The following GRM7 variants were observed in gnomAD, a reference collection of about 807,000 sequenced individuals.
GRM7 encodes metabotropic glutamate receptor 7.
Under a neutral mutation model 84.5 loss-of-function variants are expected in GRM7, and 35 were observed. The ratio of observed to expected loss-of-function variants is 0.41; its 90% CI spans 0.32 to 0.55. The LOEUF (loss-of-function observed/expected upper bound fraction) is 0.55. Ranked by LOEUF, GRM7 falls within the 20% of genes least tolerant of loss-of-function variation. The pLI is 0.19. For synonymous variants in GRM7, 487 were observed against 455.1 expected (o/e 1.07, Z -0.89); for missense variants, 1,003 against 1,194.6 (o/e 0.84, Z 2.36).
At chr3:7,055,437 T>G (rs1380574749) in intron 1 of GRM7, among the ~76,000 whole-genome samples, 2 of 151,402 alleles carry the variant, frequency 1.3e-5, no homozygotes, top group African/African-American at 2.4e-5. Flanking sequence ...CTTATGAAAA[T>G]CAAGAATTTA....
intron 8 of GRM7, among the ~76,000 whole-genome samples, chr3:7,639,217 C>T (rs1190418190): frequency 6.6e-6 from 1 of 152,172 alleles, no homozygotes; most frequent in Non-Finnish European, 1.5e-5. Flanking sequence ...GAAACTCCAG[C>T]ACCTCTCTAG....
chr3:7,276,586 C>A (rs7611549), intron 2 of GRM7, among the ~76,000 whole-genome samples: 64,665 of 151,306 alleles, frequency 0.43, 14,010 homozygotes, highest in Admixed American at 0.54. Context: ...AATATAAAAA[C>A]TAAGGGATAT....
At chr3:7,488,137 A>G (rs1425859713) in intron 7 of GRM7, among the ~76,000 whole-genome samples, 1 of 152,134 alleles carries the variant, frequency 6.6e-6, no homozygotes, top group Non-Finnish European at 1.5e-5. Flanking sequence ...TGAAATGGGA[A>G]TATTTACCCT....
intron 2 of GRM7, among the ~76,000 whole-genome samples, chr3:7,197,811 A>G (rs1695929387): frequency 1.3e-5 from 2 of 152,096 alleles, no homozygotes; most frequent in South Asian, 4.1e-4. Flanking sequence ...AACAATTCAT[A>G]ATTAAAAGTC....
rs1042769900 is a variant in GRM7, at chr3:7,515,276, G to A, written c.1515+53554G>A. ...CTCAGTTTCTTAACTTCAGGACTACGGACGTTTTGAGCCTGATAGTTTTTG... is the reference window on the plus strand; with the variant it reads ...CTCAGTTTCTTAACTTCAGGACTACAGACGTTTTGAGCCTGATAGTTTTTG... On this transcript the variant is annotated intron_variant, in intron 7 of 9. Coordinates refer to ENST00000357716, the MANE Select transcript of GRM7 (RefSeq NM_000844.4). 3.3e-5 allele frequency among the ~76,000 whole-genome samples: 5 copies of A among 151,756 alleles called. No homozygotes were observed. In the East Asian group the frequency reaches 5.8e-4, roughly 18 times the overall value.
intron 1 of GRM7, among the ~76,000 whole-genome samples, chr3:7,080,741 A>G (rs1698250163): frequency 6.6e-6 from 1 of 151,928 alleles, no homozygotes; most frequent in South Asian, 2.1e-4. Context: ...TAAAAAGACA[A>G]TACAATTGCC....
intron 1 of GRM7, among the ~76,000 whole-genome samples, chr3:7,072,735 G>A (rs1697928889): frequency 6.6e-6 from 1 of 152,126 alleles, no homozygotes; most frequent in Admixed American, 6.6e-5. Flanking sequence ...TCAAGGTACT[G>A]AAGTTGTGTA....
intron 1 of GRM7, among the ~76,000 whole-genome samples, chr3:7,092,234 C>T (rs191208932): frequency 6.6e-5 from 10 of 152,054 alleles, no homozygotes; most frequent in Non-Finnish European, 1.0e-4. Flanking sequence ...GTTAGAAGCC[C>T]CTGAATTAAC....
At chr3:7,691,344 A>C in intron 9 of GRM7, 1 of 996,400 alleles carries the variant, frequency 1.0e-6, no homozygotes, top group African/African-American at 1.7e-5. Context: ...TGTTGGTCCA[A>C]GTATTGGTTA....
chr3:7,316,767 A>G (rs1208631762), intron 4 of GRM7, among the ~76,000 whole-genome samples: 2 of 111,792 alleles, frequency 1.8e-5, no homozygotes, highest in Non-Finnish European at 4.0e-5. Context: ...AAGGTAGGCA[A>G]TTGCAATTAA....
chr3:7,561,410 T>A (rs1694022624), intron 7 of GRM7: 2 of 424,500 alleles, frequency 4.7e-6, no homozygotes, highest in Non-Finnish European at 9.6e-6. Context: ...TTTTATTGTT[T>A]AATACAGTGC....
At chr3:7,323,997 T>C (rs1288416161) in intron 4 of GRM7, among the ~76,000 whole-genome samples, 1 of 152,196 alleles carries the variant, frequency 6.6e-6, no homozygotes, top group Non-Finnish European at 1.5e-5. Flanking sequence ...TTTAAATCTT[T>C]ACGGGTGGCA....
chr3:7,622,698 A>G (rs984290626), intron 8 of GRM7, among the ~76,000 whole-genome samples: 1 of 152,030 alleles, frequency 6.6e-6, no homozygotes, highest in Non-Finnish European at 1.5e-5. Flanking sequence ...GAACTGGTTA[A>G]ACAGTATGTG....
intron 4 of GRM7, among the ~76,000 whole-genome samples, chr3:7,414,476 C>T (rs545256824): frequency 1.2e-4 from 18 of 152,200 alleles, no homozygotes; most frequent in African/African-American, 2.6e-4. Context: ...TGACCCCATA[C>T]GAACATTTAA....
chr3:7,133,479 G>T (rs1248337661), intron 1 of GRM7, among the ~76,000 whole-genome samples: 1 of 152,284 alleles, frequency 6.6e-6, no homozygotes, highest in East Asian at 1.9e-4. Context: ...GCCCTGGATG[G>T]CTCCTGTGGC....
At chr3:7,390,043 G>A (rs904319710) in intron 4 of GRM7, among the ~76,000 whole-genome samples, 2 of 151,902 alleles carry the variant, frequency 1.3e-5, no homozygotes, top group Non-Finnish European at 2.9e-5. Context: ...TTGTTGGATG[G>A]GTCTGGTGGT....
At chr3:6,914,119 A>T (rs553686765) in intron 1 of GRM7, among the ~76,000 whole-genome samples, 2 of 152,242 alleles carry the variant, frequency 1.3e-5, no homozygotes, top group East Asian at 3.9e-4. Flanking sequence ...CCTTCATGTT[A>T]TTCACAGGAC....
intron 1 of GRM7, among the ~76,000 whole-genome samples, chr3:7,006,089 C>G (rs979933358): frequency 6.6e-6 from 1 of 152,122 alleles, no homozygotes; most frequent in African/African-American, 2.4e-5. Context: ...CAACCTTCCC[C>G]CCTCCTGGCT....
intron 8 of GRM7, among the ~76,000 whole-genome samples, chr3:7,661,794 C>CAA (rs71043686): frequency 0.026 from 719 of 28,182 alleles, 143 homozygotes; most frequent in South Asian, 0.04. Context: ...GTCTCCGTCT[C>CAA]AAAAAAAAAA....
Sources: gnomAD v4.1 joint callset for allele counts (sites outside exome capture counted in the v4.1 genomes callset) on GRCh38, gnomAD v4.1.1 for gene constraint, MANE v1.5 for transcripts, NCBI Gene and HGNC (gene_info 2026-07-23, HGNC 2026-07-21) for gene names.